Variants in RIN3 observed in about 807,000 individuals in gnomAD.
RIN3 encodes RAB5 interacting protein 3.
Under a neutral mutation model 76.3 loss-of-function variants are expected in RIN3, and 54 were observed. That is an observed-to-expected ratio of 0.71 (90% CI 0.57 to 0.89). The LOEUF (loss-of-function observed/expected upper bound fraction) is 0.89, where lower values mean the gene tolerates loss of function less well. Ranked by LOEUF, RIN3 falls within the 40% of genes least tolerant of loss-of-function variation. The probability of loss-of-function intolerance (pLI) is 0.00; values close to 1 mark genes in which losing one functional copy is unlikely to be tolerated. For missense variants in RIN3, 1,256 were observed against 1,322.1 expected (o/e 0.95, Z 0.78); for synonymous variants, 576 against 564.0 (o/e 1.02, Z -0.30).
intron 1 of RIN3, among the ~76,000 whole-genome samples, chr14:92,540,120 T>C (rs1897098368): frequency 6.6e-6 from 1 of 152,212 alleles, no homozygotes; most frequent in Non-Finnish European, 1.5e-5. Context: ...CGCACACAGA[T>C]GTGGAAAGTT....
chr14:92,515,060 T>A, intron 1 of RIN3: 1 of 569,530 alleles, frequency 1.8e-6, no homozygotes, highest in African/African-American at 1.9e-5. Flanking sequence ...GGGGGACAGC[T>A]GGAGGTGACT....
chr14:92,667,044 C>A (rs531093879), intron 7 of RIN3, among the ~76,000 whole-genome samples: 10 of 152,084 alleles, frequency 6.6e-5, no homozygotes, highest in Admixed American at 2.0e-4. Context: ...GCAGAGACCA[C>A]AGAGTCAAGA....
rs181608389 is a variant in RIN3, at chr14:92,685,810, C to T, written c.2631+660C>T. 665 of 152,620 alleles carry T rather than the reference C, an allele frequency of 4.4e-3. 11 individuals are homozygous for T. Among genetic ancestry groups the T allele is most frequent in the African/African-American group, 0.015 (629 of 41,566 alleles). 9.5% of individuals were successfully genotyped at this position (152,620 alleles called of 1,614,324 possible). On this transcript the variant is annotated intron_variant, in intron 9 of 9. Transcript: ENST00000216487. This position sits in a 1 kb window ranked among gnomAD's most constrained non-coding sequence, Gnocchi z 4.7. ...GGCTGTCACTGCCCATCCTTTAAGA[C>T]GACTCAGTTTCTCCAACAGCCCCTC...
intron 1 of RIN3, chr14:92,515,366 G>GGC (rs745373837): frequency 1.6e-6 from 1 of 621,748 alleles, no homozygotes; most frequent in Non-Finnish European, 2.9e-6. Flanking sequence ...AGGGGCCAGG[G>GGC]CGCTGGCCTC....
chr14:92,517,891 AC>A, intron 1 of RIN3, among the ~76,000 whole-genome samples: 1 of 152,282 alleles, frequency 6.6e-6, no homozygotes, highest in Admixed American at 6.5e-5. Context: ...GTGTCCCCCA[AC>A]AGCTCCCTAA....
chr14:92,577,327 T>C (rs1238284173), intron 2 of RIN3, 33 bp from the exon 3 acceptor site: 1 of 1,502,206 alleles, frequency 6.7e-7, no homozygotes, highest in Non-Finnish European at 9.2e-7. Flanking sequence ...AAATCTTTAA[T>C]TCACGGAGCT....
chr14:92,651,670 C>T lies in RIN3; in HGVS notation c.621C>T (p.Val207=). The T allele has an allele frequency of 6.2e-7, 1 of 1,614,012 alleles. No homozygotes were observed. The highest frequency in any genetic ancestry group is 8.5e-7 in the Non-Finnish European group (1 of 1,179,948). Residue 207 remains valine (V), a synonymous_variant, in exon 6 of 10, where the codon GTC becomes GTT. Coordinates refer to ENST00000216487, the MANE Select transcript of RIN3 (RefSeq NM_024832.5). ...PRDRAPGFPL[V]SSLRPTAHDA... is the part of the protein sequence containing the mutation. ...ACCGGGCCCCCGGATTCCCCCTAGT[C>T]TCCAGCCTCAGGCCCACAGCCCATG...
chr14:92,615,797 A>G, intron 4 of RIN3: 1 of 313,148 alleles, frequency 3.2e-6, no homozygotes, highest in Non-Finnish European at 6.0e-6. Flanking sequence ...CAGGGGTTCT[A>G]GAAGAAACTT....
chr14:92,683,698 G>C (rs1326227699), intron 8 of RIN3, among the ~76,000 whole-genome samples: 3 of 152,158 alleles, frequency 2.0e-5, no homozygotes, highest in African/African-American at 7.2e-5. Flanking sequence ...CTTGAGCCCA[G>C]GAGTTGGAGG....
intron 2 of RIN3, among the ~76,000 whole-genome samples, chr14:92,565,544 A>G (rs113664351): frequency 0.015 from 2,317 of 152,314 alleles, 67 homozygotes; most frequent in African/African-American, 0.052. Context: ...GGGGTGGATT[A>G]TTCATGAGTT....
In RIN3 at chr14:92,652,100, C is replaced by G. The variant is rs745507336; in HGVS notation, c.1051C>G (p.Leu351Val). ...CERLPCPTAG[L>V]GPLREEAMKP... is the part of the protein sequence containing the mutation. Reference sequence around the variant, plus strand: ...GAGACTCCCATGCCCCACTGCAGGCCTGGGCCCCCTCAGGGAGGAAGCGAT... The same window carrying G: ...GAGACTCCCATGCCCCACTGCAGGCGTGGGCCCCCTCAGGGAGGAAGCGAT... Residue 351 changes from leucine (L) to valine (V), a missense_variant, in exon 6 of 10, where the codon CTG (leucine) becomes GTG (valine). By Grantham distance (32) the Leu-to-Val change is conservative. Transcript: ENST00000216487. This position sits in a 1 kb window ranked among gnomAD's most constrained non-coding sequence, Gnocchi z 6.4. 1 of 1,606,556 alleles carries G rather than the reference C, an allele frequency of 6.2e-7. No individual in the cohort carries two copies. Among genetic ancestry groups the G allele is most frequent in the African/African-American group, 1.3e-5 (1 of 74,886 alleles).
chr14:92,613,188 C>T (rs1412411946), intron 3 of RIN3, among the ~76,000 whole-genome samples: 1 of 152,202 alleles, frequency 6.6e-6, no homozygotes, highest in East Asian at 1.9e-4. Flanking sequence ...CTCTGTCTCC[C>T]CTCTCTGCTG....
At chr14:92,519,479 C>T (rs1896534608) in intron 1 of RIN3, among the ~76,000 whole-genome samples, 1 of 152,120 alleles carries the variant, frequency 6.6e-6, no homozygotes, top group South Asian at 2.1e-4. Context: ...GTGGAGCCTG[C>T]CTGGCCATCA....
intron 3 of RIN3, among the ~76,000 whole-genome samples, chr14:92,578,625 T>C (rs986528460): frequency 2.6e-5 from 4 of 152,028 alleles, no homozygotes; most frequent in Admixed American, 2.0e-4. Flanking sequence ...TTAAAGACAG[T>C]TTGGCGGGTA....
chr14:92,576,508 C>A, intron 2 of RIN3: 1 of 882,346 alleles, frequency 1.1e-6, no homozygotes, highest in Non-Finnish European at 1.6e-6. Flanking sequence ...CATGCAGAGG[C>A]CTCATGGCAT....
intron 3 of RIN3, 56 bp from the exon 4 acceptor site, chr14:92,615,351 C>G: frequency 1.4e-6 from 2 of 1,476,146 alleles, no homozygotes; most frequent in East Asian, 2.3e-5. Flanking sequence ...CCTCCTTCCC[C>G]CATTTTCCTT....
chr14:92,558,604 C>A (rs904303036), intron 2 of RIN3, among the ~76,000 whole-genome samples: 1 of 152,140 alleles, frequency 6.6e-6, no homozygotes, highest in Non-Finnish European at 1.5e-5. Context: ...TGGGTAGTAA[C>A]CCCAGGAAGC....
chr14:92,589,309 G>C (rs1349552649), intron 3 of RIN3, among the ~76,000 whole-genome samples: 2 of 151,938 alleles, frequency 1.3e-5, no homozygotes, highest in Non-Finnish European at 2.9e-5. Context: ...ACTCCTCTCA[G>C]CTCATCAGAT....
intron 7 of RIN3, among the ~76,000 whole-genome samples, chr14:92,664,428 C>T (rs1464132707): frequency 3.1e-5 from 4 of 130,410 alleles, no homozygotes; most frequent in African/African-American, 1.2e-4. Context: ...AGTGCAGTGG[C>T]GCGATCTCGG....
Sources: allele counts gnomAD v4.1 joint callset (sites outside exome capture counted in the v4.1 genomes callset), GRCh38; gene constraint gnomAD v4.1.1; non-coding constraint Gnocchi (gnomAD v3.1); transcripts MANE v1.5; gene names NCBI Gene and HGNC (gene_info 2026-07-23, HGNC 2026-07-21).